Variants in KIF13A observed in about 807,000 individuals in gnomAD.
The protein encoded by KIF13A is kinesin family member 13A.
KIF13A carries 79 observed loss-of-function variants against 212.2 expected under a neutral mutation model. That is an observed-to-expected ratio of 0.37 (90% CI 0.31 to 0.45). The LOEUF is 0.45. KIF13A is among the 20% of genes least tolerant of loss of function. The pLI is 1.00. For synonymous variants in KIF13A, 789 were observed against 808.6 expected, an observed-to-expected ratio of 0.98 and a Z score of 0.41; for missense variants, 1,901 against 2,209.0, an observed-to-expected ratio of 0.86 and a Z score of 2.79.
At chr6:17,760,992 G>A (rs1758558212), downstream of KIF13A, 1 of 961,708 alleles carries the variant, frequency 1.0e-6, no homozygotes, top group Admixed American at 2.2e-5. Flanking sequence ...TCTTCCTGAA[G>A]GGACCCACAG....
At chr6:17,824,776 A>AC (rs1562021253) in intron 16 of KIF13A, among the ~76,000 whole-genome samples, 1 of 148,180 alleles carries the variant, frequency 6.7e-6, no homozygotes, top group African/African-American at 2.5e-5. Context: ...AAAAAAAAAA[A>AC]AAAACAAAAC....
chr6:17,870,135 C>T (rs892324389), intron 4 of KIF13A, among the ~76,000 whole-genome samples: 1 of 152,100 alleles, frequency 6.6e-6, no homozygotes, highest in Admixed American at 6.5e-5. Flanking sequence ...ATGAATTTTA[C>T]CTTTTGCTAA....
In KIF13A at chr6:17,772,811, T is replaced by A. The variant is rs1468032825; in HGVS notation, c.4324+667A>T. The stretch of plus-strand genomic sequence containing the variant: ...TAAATTTTCTTGCGAGCCTCTTTTT[T>A]TCCCCCTCAGGCCACCCTGCTATAT... On this transcript the variant is annotated intron_variant, in intron 36 of 38. Transcript: ENST00000259711. The surrounding 1 kb of genome is among the most constrained non-coding windows in gnomAD (Gnocchi z 4.8). Among the ~76,000 whole-genome samples the A allele has an allele frequency of 6.6e-6, 1 of 152,236 alleles. No homozygotes were observed. The highest frequency in any genetic ancestry group is 1.5e-5 in the Non-Finnish European group (1 of 68,042).
At chr6:17,864,706 G>A (rs1769189967) in intron 4 of KIF13A, among the ~76,000 whole-genome samples, 1 of 152,124 alleles carries the variant, frequency 6.6e-6, no homozygotes, top group East Asian at 1.9e-4. Context: ...TATGTTGTCT[G>A]AGCTGATCTT....
At chr6:17,938,819 A>ATTTTTTT (rs5874617) in intron 2 of KIF13A, among the ~76,000 whole-genome samples, 1 of 139,854 alleles carries the variant, frequency 7.2e-6, no homozygotes, top group African/African-American at 2.6e-5. Context: ...CTTAGAGTGA[A>ATTTTTTT]TTTTTTTTTT....
chr6:17,759,770 A>G (rs1375144693), downstream of KIF13A: 1 of 152,300 alleles, frequency 6.6e-6, no homozygotes, highest in Non-Finnish European at 1.5e-5. Context: ...TTCCAGAATC[A>G]AGCAAAATAA....
intron 2 of KIF13A, among the ~76,000 whole-genome samples, chr6:17,916,262 A>AG (rs928432923): frequency 2.0e-5 from 3 of 152,226 alleles, no homozygotes; most frequent in Admixed American, 1.3e-4. Context: ...AAAGCAGTCA[A>AG]GGGGGGATCC....
In KIF13A at chr6:17,855,613, C is replaced by T. The variant is rs189079716; in HGVS notation, c.318G>A (p.Ser106=). The change falls in exon 6 of 39, where the codon TCG becomes TCA. Residue 106 remains serine, a synonymous_variant. Transcript: ENST00000259711. This position sits in a 1 kb window ranked among gnomAD's most constrained non-coding sequence, Gnocchi z 4.1. ...ACIFAYGQTG[S]GKSFSMMGHA... ...GGCCCATCATGGAAAAGGATTTTCC[C>T]GAACCTGGAGAACAGCAAGGAAAAA... is the stretch of plus-strand genomic sequence containing the variant. 25 of 1,599,162 alleles carry T rather than the reference C, an allele frequency of 1.6e-5. No individual in the cohort carries two copies. Among genetic ancestry groups the T allele is most frequent in the Admixed American group, 7.2e-5 (4 of 55,582 alleles).
intron 2 of KIF13A, among the ~76,000 whole-genome samples, chr6:17,924,346 C>A (rs929357602): frequency 5.9e-5 from 9 of 152,108 alleles, no homozygotes; most frequent in African/African-American, 1.9e-4. Context: ...AATCTCTAGT[C>A]GTGGACTTGA....
rs542326274 is a variant in KIF13A, at chr6:17,787,436, T to G, written c.3361+340A>C. ...GGGAGGCTGAAGTGGGAGGATCACTTGAGTCCGGGAGTTTGAGACCAGCCT... is the reference window on the plus strand; with the variant it reads ...GGGAGGCTGAAGTGGGAGGATCACTGGAGTCCGGGAGTTTGAGACCAGCCT... On this transcript the variant is annotated intron_variant, in intron 27 of 38. Transcript: ENST00000259711. This position sits in a 1 kb window ranked among gnomAD's most constrained non-coding sequence, Gnocchi z 4.6. Among the ~76,000 whole-genome samples the G allele has an allele frequency of 6.6e-6, 1 of 152,222 alleles. No individual in the cohort carries two copies. Among genetic ancestry groups the G allele is most frequent in the East Asian group, 1.9e-4 (1 of 5,178 alleles).
Position 17,837,638 on chromosome 6 carries a change from T to C in KIF13A, c.831-55A>G, listed in dbSNP as rs1766090981. ...ATGGAATGTTTATTTGGTTTAAGTA[T>C]AAAATATGCAGAACAATAAAGCTCC... On this transcript the variant is annotated intron_variant, in intron 9 of 38. Coordinates refer to ENST00000259711, the MANE Select transcript of KIF13A (RefSeq NM_022113.6). This position sits in a 1 kb window ranked among gnomAD's most constrained non-coding sequence, Gnocchi z 5.4. The C allele has an allele frequency of 1.7e-6, 2 of 1,180,916 alleles. No homozygotes were observed. The highest frequency in any genetic ancestry group is 2.5e-6 in the Non-Finnish European group (2 of 811,006). 73.2% of individuals were successfully genotyped at this position (1,180,916 alleles called of 1,614,324 possible).
In KIF13A at chr6:17,919,581, G is replaced by A. The variant is rs1021863152; in HGVS notation, c.147-21401C>T. 6.6e-5 allele frequency among the ~76,000 whole-genome samples: 10 copies of A among 152,078 alleles called. No individual in the cohort carries two copies. Among genetic ancestry groups the A allele is most frequent in the African/African-American group, 2.4e-4 (10 of 41,394 alleles). On this transcript the variant is annotated intron_variant, in intron 2 of 38. Coordinates refer to ENST00000259711, the MANE Select transcript of KIF13A (RefSeq NM_022113.6). This position sits in a 1 kb window ranked among gnomAD's most constrained non-coding sequence, Gnocchi z 4.1. ...AAATAGATGTTCTACAGCCCCAAGG[G>A]GTCAGCCATGTCTCCACTCCTAATG...
chr6:17,870,755 T>G (rs980777477), intron 4 of KIF13A, among the ~76,000 whole-genome samples: 14 of 151,214 alleles, frequency 9.3e-5, no homozygotes, highest in African/African-American at 3.5e-4. Context: ...TTTTTTAATC[T>G]TAACTTTGCA....
intron 2 of KIF13A, among the ~76,000 whole-genome samples, chr6:17,927,985 T>G (rs1454241137): frequency 2.0e-5 from 3 of 152,214 alleles, no homozygotes; most frequent in Non-Finnish European, 2.9e-5. Context: ...AAGACAGGCT[T>G]CAGCAAGAGA....
chr6:17,782,196 A>C (rs1015140396), intron 29 of KIF13A, among the ~76,000 whole-genome samples: 1 of 151,840 alleles, frequency 6.6e-6, no homozygotes, highest in Admixed American at 6.6e-5. Context: ...CAGCCTCCCA[A>C]AGTGCTGGGA....
At position 17,934,437 on chromosome 6, in the gene KIF13A, C is replaced by A. The variant is rs556223548; in HGVS notation, c.147-36257G>T. Among the ~76,000 whole-genome samples, 1 of 152,230 alleles carries A rather than the reference C, an allele frequency of 6.6e-6. No homozygotes were observed. Among genetic ancestry groups the A allele is most frequent in the African/African-American group, 2.4e-5 (1 of 41,524 alleles). On this transcript the variant is annotated intron_variant, in intron 2 of 38. Transcript: ENST00000259711. The surrounding 1 kb of genome is among the most constrained non-coding windows in gnomAD (Gnocchi z 5.4). The stretch of plus-strand genomic sequence containing the variant: ...AAGCTAAAAAGCCAAATGAAATATT[C>A]CAGCAGGTAGTATTCTAAAATCATA...
intron 25 of KIF13A, among the ~76,000 whole-genome samples, chr6:17,790,249 T>TA (rs577371005): frequency 5.9e-4 from 90 of 152,104 alleles, no homozygotes; most frequent in Admixed American, 1.2e-3. Context: ...CAAAAAATTT[T>TA]AAAAAATTAG....
chr6:17,802,946 T>C (rs1762603280), intron 20 of KIF13A, among the ~76,000 whole-genome samples: 1 of 150,910 alleles, frequency 6.6e-6, no homozygotes. Context: ...TTTTTTGTTT[T>C]GTTTTGAGAC....
At position 17,850,553 on chromosome 6, in the gene KIF13A, CT is replaced by C. The variant is rs1767539916; in HGVS notation, c.583-97del. 1.6e-6 allele frequency: 2 copies of C among 1,248,098 alleles called. No individual in the cohort carries two copies. The highest frequency in any genetic ancestry group is 2.6e-5 in the East Asian group (1 of 37,962). The allele number at this position is 1,248,098 out of a possible 1,614,324, so 77.3% of individuals were successfully genotyped here. ...GTATTAATTATGATTCCTCTGATGC[CT>C]TTGTCACCACCCTTCCATAGAAACC... On this transcript the variant is annotated intron_variant, in intron 7 of 38. Coordinates refer to ENST00000259711, the MANE Select transcript of KIF13A (RefSeq NM_022113.6). This position sits in a 1 kb window ranked among gnomAD's most constrained non-coding sequence, Gnocchi z 6.2.
Sources: gnomAD v4.1 joint callset for allele counts (sites outside exome capture counted in the v4.1 genomes callset) on GRCh38, gnomAD v4.1.1 for gene constraint, Gnocchi (gnomAD v3.1) non-coding constraint, MANE v1.5 for transcripts, NCBI Gene and HGNC (gene_info 2026-07-23, HGNC 2026-07-21) for gene names.